The following PPP4C variants were observed in gnomAD, a reference collection of about 807,000 sequenced individuals.
PPP4C encodes the protein serine/threonine-protein phosphatase 4 catalytic subunit.
A neutral mutation model predicts 40.5 loss-of-function variants in PPP4C; 10 were observed. The ratio of observed to expected loss-of-function variants is 0.25; its 90% confidence interval spans 0.15 to 0.42. The LOEUF (loss-of-function observed/expected upper bound fraction) is 0.42, where lower values mean the gene tolerates loss of function less well. PPP4C is among the 10% of genes least tolerant of loss of function. PPP4C has a pLI of 1.00. For missense variants in PPP4C, 191 were observed against 416.4 expected, an observed-to-expected ratio of 0.46 and a Z score of 4.71; for synonymous variants, 187 against 163.6, an observed-to-expected ratio of 1.14 and a Z score of -1.09.
At chr16:30,076,684 T>G (rs2072407046) in intron 2 of PPP4C, among the ~76,000 whole-genome samples, 1 of 152,184 alleles carries the variant, frequency 6.6e-6, no homozygotes, top group Non-Finnish European at 1.5e-5. Context: ...GACGATGTGT[T>G]TCCAGTGGAG....
chr16:30,078,726 C>T (rs1243159375), intron 2 of PPP4C, among the ~76,000 whole-genome samples: 1 of 152,228 alleles, frequency 6.6e-6, no homozygotes, highest in Non-Finnish European at 1.5e-5. Context: ...AATATTAGCA[C>T]AGTAGGAGAG....
intron 2 of PPP4C, among the ~76,000 whole-genome samples, chr16:30,081,005 A>G (rs1015258901): frequency 2.0e-5 from 3 of 152,158 alleles, no homozygotes; most frequent in Non-Finnish European, 4.4e-5. Flanking sequence ...AGGGCTGGAA[A>G]AGTCCCAGCC....
chr16:30,080,529 T>C (rs1274373155), intron 2 of PPP4C, among the ~76,000 whole-genome samples: 6 of 136,388 alleles, frequency 4.4e-5, no homozygotes, highest in African/African-American at 1.7e-4. Flanking sequence ...TTTTTTGAGA[T>C]GAAGTCTTGC....
At chr16:30,082,686 G>A (rs946191834) in intron 4 of PPP4C, 60 bp from the exon 5 acceptor site, 3 of 1,556,624 alleles carry the variant, frequency 1.9e-6, no homozygotes, top group African/African-American at 2.7e-5. Context: ...CCGCTGGACA[G>A]AAACAGGTAG....
intron 2 of PPP4C, 96 bp from the exon 3 acceptor site, chr16:30,081,163 C>G: frequency 4.4e-6 from 7 of 1,573,748 alleles, no homozygotes; most frequent in Non-Finnish European, 6.1e-6. Flanking sequence ...CTGGAGCTTC[C>G]AGGACTGCCT....
rs906437400 is a variant in PPP4C at position 30,083,872 on chromosome 16, C to T, written c.604+91C>T. 12 of 1,554,022 alleles carry T rather than the reference C, an allele frequency of 7.7e-6. No individual in the cohort carries two copies. Among genetic ancestry groups the T allele is most frequent in the Non-Finnish European group, 1.0e-5 (12 of 1,143,556 alleles). The stretch of plus-strand genomic sequence containing the variant: ...GCTGGTCTTCACTGTCACTCGTCCT[C>T]CACCTGCCAAATGGCTGGAACCCTG... On this transcript the variant is annotated intron_variant, in intron 7 of 8. Coordinates refer to ENST00000279387, the MANE Select transcript of PPP4C (RefSeq NM_002720.3). This position sits in a 1 kb window ranked among gnomAD's most constrained non-coding sequence, Gnocchi z 6.3.
chr16:30,078,091 T>G (rs1433672443), intron 2 of PPP4C, among the ~76,000 whole-genome samples: 3 of 152,222 alleles, frequency 2.0e-5, no homozygotes, highest in African/African-American at 7.2e-5. Context: ...GCACTATTCT[T>G]TAACCTCGAA....
Position 30,084,835 on chromosome 16 carries a change from G to A in PPP4C, c.774G>A (p.Ser258=), listed in dbSNP as rs762111868. 16 of 1,614,210 alleles carry A rather than the reference G, an allele frequency of 9.9e-6. No individual in the cohort carries two copies. The highest frequency in any genetic ancestry group is 5.0e-5 in the Admixed American group (3 of 60,026). ...ATGAGACGGTGCTCACTGTGTGGTC[G>A]GCACCCAACTACTGCTACCGGTGAG... ...HFNETVLTVW[S]APNYCYRCGN... The change falls in exon 8 of 9, where the codon TCG becomes TCA. Residue 258 remains serine, a synonymous_variant. Transcript: ENST00000279387.
chr16:30,080,538 G>A (rs1199919054), intron 2 of PPP4C, among the ~76,000 whole-genome samples: 31 of 127,258 alleles, frequency 2.4e-4, no homozygotes, highest in Middle Eastern at 5.0e-3. Context: ...ATGAAGTCTT[G>A]CTCTGTCGCC....
Position 30,083,636 on chromosome 16 carries a change from T to C in PPP4C, c.478-19T>C. ...CTTCAGGCCTCAGCCCCGTCCTCTT[T>C]CCCTGCTCTCCCCTGTAGATCTTCT... On this transcript the variant is annotated intron_variant, in intron 6 of 8. Transcript: ENST00000279387. This position sits in a 1 kb window ranked among gnomAD's most constrained non-coding sequence, Gnocchi z 6.3. The C allele has an allele frequency of 6.2e-7, 1 of 1,614,134 alleles. No homozygotes were observed. Among genetic ancestry groups the C allele is most frequent in the African/African-American group, 1.3e-5 (1 of 75,060 alleles).
intron 4 of PPP4C, 94 bp from the exon 5 acceptor site, chr16:30,082,652 T>A: frequency 6.6e-7 from 1 of 1,525,438 alleles, no homozygotes. Flanking sequence ...CCAAGTTAGA[T>A]GGGTGGTTGT....
Position 30,084,808 on chromosome 16 carries a change from C to G in PPP4C, c.747C>G (p.Phe249Leu). ...QLVMEGYKWH[F>L]NETVLTVWSA... ...TGATGGAAGGTTACAAGTGGCACTT[C>G]AATGAGACGGTGCTCACTGTGTGGT... is the stretch of plus-strand genomic sequence containing the variant. Residue 249 changes from phenylalanine (F) to leucine (L), a missense_variant, in exon 8 of 9, where the codon TTC becomes TTG. Transcript: ENST00000279387. 6.2e-7 allele frequency: 1 copy of G among 1,614,262 alleles called. No individual in the cohort carries two copies. The highest frequency in any genetic ancestry group is 8.5e-7 in the Non-Finnish European group (1 of 1,180,042).
intron 1 of PPP4C, 75 bp from the exon 2 acceptor site, chr16:30,076,240 C>T (rs971660625): frequency 7.0e-6 from 6 of 853,048 alleles, no homozygotes; most frequent in Middle Eastern, 3.6e-4. Context: ...GGAGCCGGGC[C>T]GGCTCTAGAA....
At position 30,083,947 on chromosome 16, in the gene PPP4C, C is replaced by T. The variant is rs2072560524; in HGVS notation, c.604+166C>T. ...GGCAGGTGCTTTGAGCACACAGTGG[C>T]TTGGGGCATGGCCCAGAGGGCTGTG... is the stretch of plus-strand genomic sequence containing the variant. On this transcript the variant is annotated intron_variant, in intron 7 of 8. Coordinates refer to ENST00000279387, the MANE Select transcript of PPP4C (RefSeq NM_002720.3). The surrounding 1 kb of genome is among the most constrained non-coding windows in gnomAD (Gnocchi z 6.3). The T allele has an allele frequency of 1.9e-6, 2 of 1,077,144 alleles. No individual in the cohort carries two copies. The highest frequency in any genetic ancestry group is 1.6e-5 in the African/African-American group (1 of 63,536). 66.7% of individuals were successfully genotyped at this position (1,077,144 alleles called of 1,614,324 possible).
At chr16:30,078,099 G>A (rs191975609) in intron 2 of PPP4C, among the ~76,000 whole-genome samples, 47 of 152,274 alleles carry the variant, frequency 3.1e-4, no homozygotes, top group East Asian at 1.4e-3. Context: ...CTTTAACCTC[G>A]AAGTATTGTC....
Position 30,083,699 on chromosome 16 carries a change from G to A in PPP4C, c.522G>A (p.Leu174=). The change falls in exon 7 of 9, where the codon CTG becomes CTA. Residue 174 remains leucine, a synonymous_variant. Coordinates refer to ENST00000279387, the MANE Select transcript of PPP4C (RefSeq NM_002720.3). The surrounding 1 kb of genome is among the most constrained non-coding windows in gnomAD (Gnocchi z 6.3). ...HGGLSPSIQT[L]DQIRTIDRKQ... is the part of the protein sequence containing the mutation. ...GCCTCTCCCCCTCCATCCAGACCCT[G>A]GATCAGATTCGGACAATCGACCGAA... 6 of 1,614,212 alleles carry A rather than the reference G, an allele frequency of 3.7e-6. No homozygotes were observed. Among genetic ancestry groups the A allele is most frequent in the Non-Finnish European group, 5.1e-6 (6 of 1,180,030 alleles).
At chr16:30,076,909 G>A (rs571026729) in intron 2 of PPP4C, among the ~76,000 whole-genome samples, 1 of 152,294 alleles carries the variant, frequency 6.6e-6, no homozygotes, top group African/African-American at 2.4e-5. Context: ...AAGATTGGTG[G>A]TATTGTACTC....
chr16:30,081,590 A>G, intron 3 of PPP4C: 1 of 284,408 alleles, frequency 3.5e-6, no homozygotes, highest in South Asian at 4.7e-5. Flanking sequence ...TAAAAATACA[A>G]AAATTAGCCA....
intron 3 of PPP4C, chr16:30,081,619 T>G: frequency 4.3e-6 from 1 of 232,796 alleles, no homozygotes. Context: ...GGCACGTGCC[T>G]GTAATCCCAG....
Sources: gnomAD v4.1 joint callset for allele counts (sites outside exome capture counted in the v4.1 genomes callset) on GRCh38, gnomAD v4.1.1 for gene constraint, Gnocchi (gnomAD v3.1) non-coding constraint, MANE v1.5 for transcripts, NCBI Gene and HGNC (gene_info 2026-07-23, HGNC 2026-07-21) for gene names.